Variants in ZNF429 observed in about 807,000 individuals in gnomAD.
ZNF429 encodes the protein zinc finger protein 429.
Under a neutral mutation model 56.8 loss-of-function variants are expected in ZNF429, and 53 were observed. The ratio of observed to expected loss-of-function variants is 0.93; its 90% CI spans 0.75 to 1.17. The LOEUF is 1.17. Ranked by LOEUF, ZNF429 falls within the 50% of genes most tolerant of loss-of-function variation. ZNF429 has a pLI of 0.00. For missense variants in ZNF429, 849 were observed against 788.4 expected (o/e 1.08, Z -0.92); for synonymous variants, 278 against 264.7 (o/e 1.05, Z -0.49).
Position 21,529,740 on chromosome 19 carries a change from A to G in ZNF429, c.86A>G (p.Tyr29Cys), listed in dbSNP as rs764139712. Residue 29 changes from tyrosine (Y) to cysteine (C), a missense_variant, in exon 2 of 4, where the codon TAT (tyrosine) becomes TGT (cysteine). Physicochemically the swap from Tyr to Cys is radical, Grantham distance 194. Coordinates refer to ENST00000358491, the MANE Select transcript of ZNF429 (RefSeq NM_001001415.4). ...CTGGACACAGCACAACAGAACTTAT[A>G]TAGAAATGTGATGTTAGAGAACTAC... The part of the protein sequence containing the change: ...QCLDTAQQNL[Y>C]RNVMLENYRN... 7 of 1,599,200 alleles carry G rather than the reference A, an allele frequency of 4.4e-6. No individual in the cohort carries two copies. Among genetic ancestry groups the G allele is most frequent in the Non-Finnish European group, 6.0e-6 (7 of 1,172,514 alleles).
chr19:21,527,949 AG>A (rs1319146309), intron 1 of ZNF429, among the ~76,000 whole-genome samples: 1 of 152,184 alleles, frequency 6.6e-6, no homozygotes, highest in African/African-American at 2.4e-5. Context: ...AGTACTTGCA[AG>A]CCTTTACTTC....
intron 1 of ZNF429, among the ~76,000 whole-genome samples, chr19:21,520,421 G>T (rs1028247236): frequency 1.3e-4 from 20 of 152,098 alleles, no homozygotes; most frequent in African/African-American, 4.8e-4. Context: ...AAAGCATTTA[G>T]ATTATATGTA....
At chr19:21,507,160 C>G (rs946244959) in intron 1 of ZNF429, among the ~76,000 whole-genome samples, 1 of 152,154 alleles carries the variant, frequency 6.6e-6, no homozygotes, top group Non-Finnish European at 1.5e-5. Context: ...CTACACAAAA[C>G]TGATCTTCCC....
chr19:21,506,964 C>T lies in ZNF429; in HGVS notation c.3+1190C>T, dbSNP rs530154395. 6.9e-4 allele frequency among the ~76,000 whole-genome samples: 105 copies of T among 152,102 alleles called. 1 individual carries two copies. Among genetic ancestry groups the T allele is most frequent in the African/African-American group, 2.4e-3 (101 of 41,492 alleles). The stretch of plus-strand genomic sequence containing the variant: ...TGTATTTTTAGTAGAGACGGGGTTT[C>T]TCCGTGTTGGTCAGGCTTGTCTTGA... On this transcript the variant is annotated intron_variant, in intron 1 of 3. Transcript: ENST00000358491.
At chr19:21,509,489 A>G (rs1400343101) in intron 1 of ZNF429, among the ~76,000 whole-genome samples, 1 of 152,226 alleles carries the variant, frequency 6.6e-6, no homozygotes, top group African/African-American at 2.4e-5. Flanking sequence ...TGACACGGAA[A>G]TTAAAACTTG....
chr19:21,535,428 C>CTTTTTCT, intron 3 of ZNF429, among the ~76,000 whole-genome samples: 1 of 6,792 alleles, frequency 1.5e-4, no homozygotes, highest in African/African-American at 6.6e-4. Flanking sequence ...TTCTTTCTTT[C>CTTTTTCT]TTTCTTTCTT....
chr19:21,515,411 G>A (rs2032694194), intron 1 of ZNF429, among the ~76,000 whole-genome samples: 1 of 151,904 alleles, frequency 6.6e-6, no homozygotes, highest in Non-Finnish European at 1.5e-5. Context: ...ATCTATTCAT[G>A]TTTTTTGCCT....
chr19:21,523,173 T>C (rs2033044088), intron 1 of ZNF429, among the ~76,000 whole-genome samples: 1 of 152,190 alleles, frequency 6.6e-6, no homozygotes, highest in Non-Finnish European at 1.5e-5. Context: ...CTCCTCTTGG[T>C]AAACTGCTCA....
chr19:21,505,986 G>T, intron 1 of ZNF429: 1 of 470,746 alleles, frequency 2.1e-6, no homozygotes, highest in South Asian at 2.0e-5. Flanking sequence ...CCTCCGCAGT[G>T]ACTGTGCCTG....
intron 3 of ZNF429, 25 bp downstream of exon 3, chr19:21,530,709 C>A: frequency 1.3e-6 from 2 of 1,558,530 alleles, no homozygotes; most frequent in East Asian, 2.3e-5. Flanking sequence ...ACACAACAGA[C>A]AACACAGATG....
In ZNF429 at chr19:21,535,507, C is replaced by CT; in HGVS notation, c.227-770dup. ...TTCTTTCTTTCTTTCTTCTTTCTTT[C>CT]TTTCTTTCCTTCTTTTTCTTTTTTT... On this transcript the variant is annotated intron_variant, in intron 3 of 3. Coordinates refer to ENST00000358491, the MANE Select transcript of ZNF429 (RefSeq NM_001001415.4). 3.9e-3 allele frequency among the ~76,000 whole-genome samples: 343 copies of CT among 88,452 alleles called. 31 individuals carry two copies. The highest frequency in any genetic ancestry group is 0.015 in the African/African-American group (325 of 21,150). 58.0% of individuals were successfully genotyped at this position (88,452 alleles called of 152,430 possible).
In ZNF429 at chr19:21,529,920, G is replaced by A; in HGVS notation, c.130+136G>A. 34 of 605,106 alleles carry A rather than the reference G, an allele frequency of 5.6e-5. No individual in the cohort carries two copies. In the African/African-American group the frequency reaches 6.3e-4, roughly 11 times the overall value. 37.5% of individuals were successfully genotyped at this position (605,106 alleles called of 1,614,324 possible). A position where few individuals can be genotyped will look rare whatever the true frequency, so the allele number is the denominator to read the frequency against. On this transcript the variant is annotated intron_variant, in intron 2 of 3. Transcript: ENST00000358491. ...CTGCTTTTAAGAAAAGTTTGGGGCC[G>A]GGTGTCTTGGCTCACGCCTGTAATC... is the stretch of plus-strand genomic sequence containing the variant.
At chr19:21,534,856 C>T in intron 3 of ZNF429, among the ~76,000 whole-genome samples, 2 of 150,432 alleles carry the variant, frequency 1.3e-5, no homozygotes, top group Admixed American at 1.3e-4. Flanking sequence ...GTCGCCCAGG[C>T]TGGAGTGCAG....
At chr19:21,509,410 T>A (rs908149621) in intron 1 of ZNF429, among the ~76,000 whole-genome samples, 4 of 152,220 alleles carry the variant, frequency 2.6e-5, no homozygotes, top group Admixed American at 2.6e-4. Context: ...TTGCCTTGTT[T>A]TATATGAACA....
rs1295252233 is a variant in ZNF429, at chr19:21,540,549, T to C, written c.*2471T>C. Among the ~76,000 whole-genome samples the C allele has an allele frequency of 6.6e-6, 1 of 152,148 alleles. No homozygotes were observed. The highest frequency in any genetic ancestry group is 2.4e-5 in the African/African-American group (1 of 41,466). On this transcript the variant is annotated 3_prime_UTR_variant, in exon 4 of 4. Transcript: ENST00000358491. ...GTAACATTTATCTTTTACAAACAAC[T>C]CAATTATGCACTTTTAGTTATTTTA...
At chr19:21,529,364 T>C (rs2033286507) in intron 1 of ZNF429, 1 of 319,612 alleles carries the variant, frequency 3.1e-6, no homozygotes, top group African/African-American at 2.2e-5. Context: ...CTCAAAAATG[T>C]ATGTTTCTGT....
At chr19:21,517,112 C>T (rs1051081901) in intron 1 of ZNF429, among the ~76,000 whole-genome samples, 4 of 152,176 alleles carry the variant, frequency 2.6e-5, no homozygotes, top group Non-Finnish European at 4.4e-5. Flanking sequence ...AAGTATGTAC[C>T]TTCAATGCCT....
chr19:21,536,867 C>T lies in ZNF429; in HGVS notation c.814C>T (p.Leu272Phe), dbSNP rs1180303156. Residue 272 changes from leucine to phenylalanine, a missense_variant, in exon 4 of 4, where the codon CTT becomes TTT. By Grantham distance (22) the Leu-to-Phe change is conservative (BLOSUM62 0). Transcript: ENST00000358491. ...CGKAFSRYSTLTTHKRIHSGE... is the reference protein window; with the variant it reads ...CGKAFSRYSTFTTHKRIHSGE... The stretch of plus-strand genomic sequence containing the variant: ...CAAAGCCTTTAGCAGGTACTCAACC[C>T]TTACTACCCATAAGAGAATTCATTC... 1 of 1,613,720 alleles carries T rather than the reference C, an allele frequency of 6.2e-7. No individual in the cohort carries two copies. Among genetic ancestry groups the T allele is most frequent in the East Asian group, 2.2e-5 (1 of 44,862 alleles).
intron 1 of ZNF429, among the ~76,000 whole-genome samples, chr19:21,519,406 G>A (rs1029087743): frequency 6.6e-6 from 1 of 152,164 alleles, no homozygotes; most frequent in African/African-American, 2.4e-5. Context: ...AGCCACCTAG[G>A]CACCATAGTG....
Sources: allele counts gnomAD v4.1 joint callset (sites outside exome capture counted in the v4.1 genomes callset), GRCh38; gene constraint gnomAD v4.1.1; transcripts MANE v1.5; gene names NCBI Gene and HGNC (gene_info 2026-07-23, HGNC 2026-07-21).